Variants in KLF17 observed in about 807,000 individuals in gnomAD.
The protein encoded by KLF17 is KLF transcription factor 17, also known as Krueppel-like factor 17.
A neutral mutation model predicts 34.2 loss-of-function variants in KLF17; 31 were observed. That is an observed-to-expected ratio of 0.91 (90% CI 0.68 to 1.22). The LOEUF (loss-of-function observed/expected upper bound fraction) is 1.22, where lower values mean the gene tolerates loss of function less well. Among genes scored for constraint, KLF17 ranks in the 50% most tolerant of loss-of-function variants. The pLI, the probability that KLF17 is intolerant of heterozygous loss-of-function variation, is 0.00. For missense variants in KLF17, 478 were observed against 505.2 expected, an observed-to-expected ratio of 0.95 and a Z score of 0.52; for synonymous variants, 179 against 186.7, an observed-to-expected ratio of 0.96 and a Z score of 0.34.
rs2088085171 is a variant in KLF17, at chr1:44,129,938, C to T, written c.667C>T (p.Pro223Ser). Residue 223 changes from proline (P) to serine (S), a missense_variant, in exon 2 of 4, where the codon CCC (proline) becomes TCC (serine). By Grantham distance (74) the Pro-to-Ser change is moderately conservative (BLOSUM62 -1). Coordinates refer to ENST00000372299, the MANE Select transcript of KLF17 (RefSeq NM_173484.4). ...GCAAGATGCCCATGACCTTGGGATG[C>T]CCCCAGCTGAGTCCCAGTCATTGCT... ...PPQDAHDLGM[P>S]PAESQSLLVL... 6.2e-7 allele frequency: 1 copy of T among 1,614,190 alleles called. No individual in the cohort carries two copies. The highest frequency in any genetic ancestry group is 8.5e-7 in the Non-Finnish European group (1 of 1,180,034).
At chr1:44,127,667 T>A (rs201285059) in intron 1 of KLF17, among the ~76,000 whole-genome samples, 660 of 39,432 alleles carry the variant, frequency 0.017, 14 homozygotes, top group East Asian at 0.035. Flanking sequence ...TCTTTCTTTC[T>A]TTCTTTCTTT....
At chr1:44,061,489 A>G in the KLF17 span, among the ~76,000 whole-genome samples, 2 of 152,188 alleles carry the variant, frequency 1.3e-5, no homozygotes. Flanking sequence ...CACCAGTGCC[A>G]TGTCAGTTTA....
chr1:44,083,793 C>CAAAAAAAA, the KLF17 span, among the ~76,000 whole-genome samples: 1 of 104,292 alleles, frequency 9.6e-6, no homozygotes, highest in Non-Finnish European at 1.9e-5. Context: ...GACTCTGTCT[C>CAAAAAAAA]AAAAAAAAAA....
At chr1:44,045,485 C>T in the KLF17 span, among the ~76,000 whole-genome samples, 1 of 152,236 alleles carries the variant, frequency 6.6e-6, no homozygotes. Context: ...GTGTTCAAAA[C>T]TCAATTCCAG....
the KLF17 span, among the ~76,000 whole-genome samples, chr1:44,062,576 C>G: frequency 6.6e-6 from 1 of 151,002 alleles, no homozygotes; most frequent in African/African-American, 2.4e-5. Context: ...AAAAAAAAAG[C>G]CACGTGTAGT....
the KLF17 span, chr1:44,104,156 G>T: frequency 9.5e-7 from 1 of 1,052,636 alleles, no homozygotes; most frequent in Non-Finnish European, 1.5e-6. Context: ...GCTCTAACTT[G>T]TTCATGTAAG....
At chr1:44,120,597 G>A (rs895617332) in intron 1 of KLF17, among the ~76,000 whole-genome samples, 1 of 152,206 alleles carries the variant, frequency 6.6e-6, no homozygotes, top group Non-Finnish European at 1.5e-5. Context: ...AGCTGGTTCT[G>A]TGGAGAGATA....
the KLF17 span, among the ~76,000 whole-genome samples, chr1:44,080,321 C>T: frequency 3.4e-5 from 5 of 147,446 alleles, no homozygotes; most frequent in African/African-American, 1.3e-4. Context: ...TCACTGCAAG[C>T]CCCGCCTCCC....
chr1:44,126,008 TTTTTTG>T (rs1278673365), intron 1 of KLF17, among the ~76,000 whole-genome samples: 1 of 150,722 alleles, frequency 6.6e-6, no homozygotes, highest in Non-Finnish European at 1.5e-5. Context: ...GGACAAGGTT[TTTTTTG>T]TTTTGTTTTG....
At chr1:44,057,045 T>C in the KLF17 span, among the ~76,000 whole-genome samples, 1 of 152,018 alleles carries the variant, frequency 6.6e-6, no homozygotes, top group Non-Finnish European at 1.5e-5. Flanking sequence ...AGACCTACTC[T>C]AGCAGGCCTG....
In KLF17 at chr1:44,129,787, T is replaced by A. The variant is rs374983120; in HGVS notation, c.516T>A (p.Thr172=). The change falls in exon 2 of 4, where the codon ACT becomes ACA. Residue 172 remains threonine (T), a synonymous_variant. Coordinates refer to ENST00000372299, the MANE Select transcript of KLF17 (RefSeq NM_173484.4). ...CTGGAATCCCAATAATGTCCCACACTGGGAACCCTCCAGTGCCTTACCCTG... is the reference window on the plus strand; with the variant it reads ...CTGGAATCCCAATAATGTCCCACACAGGGAACCCTCCAGTGCCTTACCCTG... ...ASTGIPIMSH[T]GNPPVPYPGL... 50 of 1,614,016 alleles carry A rather than the reference T, an allele frequency of 3.1e-5. No homozygotes were observed. Among genetic ancestry groups the A allele is most frequent in the Non-Finnish European group, 4.0e-5 (47 of 1,180,018 alleles).
At chr1:44,095,345 A>T in the KLF17 span, among the ~76,000 whole-genome samples, 6 of 151,280 alleles carry the variant, frequency 4.0e-5, no homozygotes, top group African/African-American at 1.5e-4. Flanking sequence ...CCTACCGAGT[A>T]GCTGGGATTA....
the KLF17 span, among the ~76,000 whole-genome samples, chr1:44,099,308 G>T: frequency 6.6e-6 from 1 of 152,204 alleles, no homozygotes; most frequent in African/African-American, 2.4e-5. Context: ...GAAGACTAAG[G>T]TGGGAGGATT....
intron 3 of KLF17, among the ~76,000 whole-genome samples, chr1:44,132,028 C>T (rs1381884240): frequency 4.6e-5 from 7 of 152,074 alleles, no homozygotes; most frequent in African/African-American, 1.7e-4. Context: ...AATTTGAGGC[C>T]GGGCGCAGTG....
intron 1 of KLF17, among the ~76,000 whole-genome samples, chr1:44,125,047 A>T: frequency 6.6e-6 from 1 of 152,200 alleles, no homozygotes; most frequent in East Asian, 1.9e-4. Context: ...AGAAAACAAA[A>T]AGTGGAGTTA....
chr1:44,130,275 G>A (rs951380113), intron 2 of KLF17, 79 bp downstream of exon 2: 9 of 1,532,220 alleles, frequency 5.9e-6, no homozygotes, highest in Non-Finnish European at 7.0e-6. Flanking sequence ...GTGGGTAATT[G>A]TTTGGGATGA....
At chr1:44,066,991 T>C in the KLF17 span, among the ~76,000 whole-genome samples, 1 of 152,216 alleles carries the variant, frequency 6.6e-6, no homozygotes, top group Non-Finnish European at 1.5e-5. Context: ...TAGATGACGT[T>C]CTCAAATAGT....
the KLF17 span, among the ~76,000 whole-genome samples, chr1:44,069,564 C>T: frequency 5.3e-5 from 8 of 150,392 alleles, no homozygotes; most frequent in Non-Finnish European, 8.9e-5. The surrounding 1 kb of genome is among the most constrained non-coding windows in gnomAD (Gnocchi z 4.7). Context: ...AGTAATTCAG[C>T]GAGAAATCAC....
At chr1:44,126,974 C>T (rs749489253) in intron 1 of KLF17, among the ~76,000 whole-genome samples, 4 of 151,910 alleles carry the variant, frequency 2.6e-5, no homozygotes, top group Non-Finnish European at 5.9e-5. Context: ...CAGCTCGCTG[C>T]AGCTTCGACT....
Sources: allele counts gnomAD v4.1 joint callset (sites outside exome capture counted in the v4.1 genomes callset), GRCh38; gene constraint gnomAD v4.1.1; non-coding constraint Gnocchi (gnomAD v3.1); transcripts MANE v1.5; gene names NCBI Gene and HGNC (gene_info 2026-07-23, HGNC 2026-07-21).